NAV2: variants seen among roughly 807,000 people sequenced by gnomAD.
NAV2 encodes neuron navigator 2, also known as helicase, APC down-regulated 1.
Under a neutral mutation model 223.2 loss-of-function variants are expected in NAV2, and 54 were observed. That is an observed-to-expected ratio of 0.24 (90% CI 0.19 to 0.30). NAV2 has a LOEUF of 0.30. NAV2 is among the 10% of genes least tolerant of loss of function. The pLI, the probability that NAV2 is intolerant of heterozygous loss-of-function variation, is 1.00. For missense variants in NAV2, 2,806 were observed against 3,147.5 expected (o/e 0.89, Z 2.60); for synonymous variants, 1,279 against 1,239.3 (o/e 1.03, Z -0.67).
chr11:19,922,948 C>CT lies in NAV2; in HGVS notation c.932-10223dup, dbSNP rs2044403075. Among the ~76,000 whole-genome samples, 11 of 152,284 alleles carry CT rather than the reference C, an allele frequency of 7.2e-5. No individual in the cohort carries two copies. The South Asian group carries it at 2.3e-3, about 32-fold the overall frequency. ...AGTGAACCTAACTGTTGATAGAAAT[C>CT]TTTTTAGGCATACTTCTGCCTGGTA... On this transcript the variant is annotated intron_variant, in intron 6 of 37. Transcript: ENST00000349880.
chr11:19,961,920 T>C (rs1307412956), intron 10 of NAV2, among the ~76,000 whole-genome samples: 1 of 151,980 alleles, frequency 6.6e-6, no homozygotes. Context: ...TGTGCATTAG[T>C]CAAGGTTCTC....
At chr11:19,407,264 T>C (rs887763708) in intron 1 of NAV2, among the ~76,000 whole-genome samples, 1 of 152,128 alleles carries the variant, frequency 6.6e-6, no homozygotes, top group Non-Finnish European at 1.5e-5. Context: ...GGAGTTAGAA[T>C]CTAGAGGCAG....
intron 1 of NAV2, among the ~76,000 whole-genome samples, chr11:19,612,376 T>A (rs559250892): frequency 2.0e-5 from 3 of 152,354 alleles, no homozygotes; most frequent in East Asian, 1.9e-4. Context: ...AGCTTGAATC[T>A]CTCCCCAGAC....
chr11:19,398,782 A>T (rs1183490154), intron 1 of NAV2, among the ~76,000 whole-genome samples: 1 of 152,232 alleles, frequency 6.6e-6, no homozygotes, highest in East Asian at 1.9e-4. Flanking sequence ...CCCAAGCAGC[A>T]GCCTGCCCTG....
intron 4 of NAV2, among the ~76,000 whole-genome samples, chr11:19,876,057 G>T (rs1181280157): frequency 6.6e-6 from 1 of 152,214 alleles, no homozygotes; most frequent in East Asian, 1.9e-4. Flanking sequence ...ATGGAGTCTT[G>T]CTCTGTTGAC....
At chr11:19,402,386 A>G (rs530241034) in intron 1 of NAV2, among the ~76,000 whole-genome samples, 1 of 152,346 alleles carries the variant, frequency 6.6e-6, no homozygotes, top group East Asian at 1.9e-4. Flanking sequence ...TGCAGAGCTC[A>G]GTGCTTTGAA....
intron 6 of NAV2, among the ~76,000 whole-genome samples, chr11:19,930,233 C>A (rs924375355): frequency 3.3e-5 from 5 of 152,088 alleles, no homozygotes; most frequent in Non-Finnish European, 5.9e-5. Flanking sequence ...GCCATTTCAC[C>A]AAGACAAGCC....
chr11:19,981,682 T>C (rs561292040), intron 10 of NAV2, among the ~76,000 whole-genome samples: 1 of 152,176 alleles, frequency 6.6e-6, no homozygotes, highest in African/African-American at 2.4e-5. Flanking sequence ...TGAAAGGACG[T>C]GGGGTCTAGA....
At chr11:19,418,699 T>C (rs11025130) in intron 1 of NAV2, among the ~76,000 whole-genome samples, 19,062 of 152,100 alleles carry the variant, frequency 0.13, 1,500 homozygotes, top group East Asian at 0.26. Flanking sequence ...AGCCAGATCA[T>C]AGAAGGTTTG....
At chr11:19,961,807 A>G (rs981990739) in intron 10 of NAV2, among the ~76,000 whole-genome samples, 1 of 152,030 alleles carries the variant, frequency 6.6e-6, no homozygotes, top group African/African-American at 2.4e-5. Context: ...TTGCCTTTTT[A>G]GTCTTTTATT....
chr11:19,713,289 C>T lies in NAV2; in HGVS notation c.-407C>T, dbSNP rs1230766674. 4.9e-6 allele frequency: 5 copies of T among 1,021,870 alleles called. No homozygotes were observed. Among genetic ancestry groups the T allele is most frequent in the Non-Finnish European group, 5.8e-6 (5 of 854,918 alleles). The allele number at this position is 1,021,870 out of a possible 1,614,324, so 63.3% of individuals were successfully genotyped here. A position where few individuals can be genotyped will look rare whatever the true frequency, so the allele number is the denominator to read the frequency against. On this transcript the variant is annotated 5_prime_UTR_variant, in exon 1 of 38. Transcript: ENST00000349880. This position sits in a 1 kb window ranked among gnomAD's most constrained non-coding sequence, Gnocchi z 7.2. ...CGGGACTCGTGGGTCGCCGCCGCCT[C>T]TGTCTCTTCCAAAGGGGCCTCCTCA...
intron 1 of NAV2, chr11:19,503,884 T>C (rs2043037427): frequency 1.3e-5 from 2 of 152,208 alleles, no homozygotes; most frequent in African/African-American, 4.8e-5. Flanking sequence ...AAAGACAAGC[T>C]ACAGAAGCGG....
At chr11:19,595,837 C>T (rs916037876) in intron 1 of NAV2, among the ~76,000 whole-genome samples, 1 of 146,404 alleles carries the variant, frequency 6.8e-6, no homozygotes, top group Non-Finnish European at 1.5e-5. Flanking sequence ...GCTGGGATTA[C>T]AGGCATAAGC....
At chr11:19,729,838 A>C (rs1173728883) in intron 1 of NAV2, among the ~76,000 whole-genome samples, 1 of 152,182 alleles carries the variant, frequency 6.6e-6, no homozygotes, top group Non-Finnish European at 1.5e-5. Context: ...TGCAACCTAT[A>C]GGAGAGCAAA....
intron 22 of NAV2, among the ~76,000 whole-genome samples, chr11:20,070,093 A>G (rs1171915433): frequency 6.6e-6 from 1 of 152,190 alleles, no homozygotes; most frequent in African/African-American, 2.4e-5. Flanking sequence ...TAATGCTATC[A>G]AAAGAACTTT....
chr11:19,845,871 C>T (rs945052801), intron 3 of NAV2, among the ~76,000 whole-genome samples: 3 of 152,156 alleles, frequency 2.0e-5, no homozygotes, highest in African/African-American at 7.2e-5. Context: ...AATCAGCAAG[C>T]AGTCACAGAG....
At chr11:19,957,898 A>G (rs2048016625) in intron 10 of NAV2, among the ~76,000 whole-genome samples, 1 of 150,872 alleles carries the variant, frequency 6.6e-6, no homozygotes, top group Non-Finnish European at 1.5e-5. Flanking sequence ...TTTATGGGGA[A>G]GAGAGAGAGA....
intron 1 of NAV2, among the ~76,000 whole-genome samples, chr11:19,532,182 A>T (rs2044046143): frequency 6.6e-6 from 1 of 151,830 alleles, no homozygotes; most frequent in Admixed American, 6.6e-5. Flanking sequence ...TCTTTTCTGG[A>T]ATAGGAGCCA....
At chr11:19,774,076 C>T (rs755078471) in intron 1 of NAV2, among the ~76,000 whole-genome samples, 1 of 152,204 alleles carries the variant, frequency 6.6e-6, no homozygotes, top group Non-Finnish European at 1.5e-5. Flanking sequence ...CATGCTATTC[C>T]ACCTTCCTGA....
Sources: allele counts gnomAD v4.1 joint callset (sites outside exome capture counted in the v4.1 genomes callset), GRCh38; gene constraint gnomAD v4.1.1; non-coding constraint Gnocchi (gnomAD v3.1); transcripts MANE v1.5; gene names NCBI Gene and HGNC (gene_info 2026-07-23, HGNC 2026-07-21).